ANXA8: variants seen among roughly 807,000 people sequenced by gnomAD.
ANXA8 encodes the protein VAC-beta.
In ANXA8, 9 loss-of-function variants were observed where a neutral mutation model predicts 26.8. The observed-to-expected ratio is 0.34, with a 90% confidence interval of 0.20 to 0.59. The LOEUF (loss-of-function observed/expected upper bound fraction) is 0.59, where lower values mean the gene tolerates loss of function less well. ANXA8 is among the 20% of genes least tolerant of loss of function. The pLI is 0.84. For synonymous variants in ANXA8, 39 were observed against 94.8 expected, an observed-to-expected ratio of 0.41 and a Z score of 3.42; for missense variants, 83 against 238.5, an observed-to-expected ratio of 0.35 and a Z score of 4.29.
At chr10:47,561,030 T>C in the ANXA8 span, among the ~76,000 whole-genome samples, 3 of 151,560 alleles carry the variant, frequency 2.0e-5, no homozygotes, top group Non-Finnish European at 4.4e-5. Context: ...AATTTTTTTT[T>C]CCTTTTCTGT....
At chr10:47,687,860 G>T in the ANXA8 span, among the ~76,000 whole-genome samples, 3 of 151,912 alleles carry the variant, frequency 2.0e-5, no homozygotes, top group African/African-American at 7.3e-5. Flanking sequence ...AACACTTTGG[G>T]AGGCCAAGGT....
chr10:47,699,403 G>A, the ANXA8 span, among the ~76,000 whole-genome samples: 1 of 136,774 alleles, frequency 7.3e-6, no homozygotes, highest in Non-Finnish European at 1.6e-5. Context: ...AATGGATAAA[G>A]AAGAATGAAA....
the ANXA8 span, chr10:47,751,088 C>T: frequency 6.6e-6 from 1 of 151,434 alleles, no homozygotes; most frequent in East Asian, 2.0e-4. Flanking sequence ...CCTATAACAA[C>T]CATCAAACTT....
the ANXA8 span, chr10:47,599,514 A>G: frequency 2.0e-5 from 3 of 148,166 alleles, no homozygotes; most frequent in Non-Finnish European, 4.4e-5. Context: ...AAATCAAAAC[A>G]TTTAAGCAAT....
the ANXA8 span, among the ~76,000 whole-genome samples, chr10:47,941,465 G>T: frequency 9.1e-3 from 1,335 of 146,564 alleles, 212 homozygotes; most frequent in African/African-American, 0.033. Context: ...GATCAGCCTG[G>T]CCAACATGGT....
chr10:47,748,596 TTTC>T, the ANXA8 span, among the ~76,000 whole-genome samples: 2 of 152,158 alleles, frequency 1.3e-5, no homozygotes, highest in African/African-American at 2.4e-5. Context: ...GAGGGACACA[TTTC>T]TTCTTTTCTT....
At chr10:47,501,447 C>T in the ANXA8 span, among the ~76,000 whole-genome samples, 1 of 138,840 alleles carries the variant, frequency 7.2e-6, no homozygotes, top group Non-Finnish European at 1.5e-5. Context: ...CGGTGGCTCA[C>T]CCCCATAATC....
the ANXA8 span, among the ~76,000 whole-genome samples, chr10:47,654,087 C>T: frequency 2.7e-4 from 41 of 151,996 alleles, no homozygotes; most frequent in African/African-American, 9.4e-4. Flanking sequence ...GTTGAGAATG[C>T]CCTGAAAGCT....
At chr10:47,743,269 TATATATATACACAC>T in the ANXA8 span, among the ~76,000 whole-genome samples, 44 of 118,234 alleles carry the variant, frequency 3.7e-4, no homozygotes, top group African/African-American at 1.1e-3. Flanking sequence ...TATATACATA[TATATATATACACAC>T]ATATATATAT....
At chr10:47,687,170 T>C in the ANXA8 span, among the ~76,000 whole-genome samples, 1 of 151,734 alleles carries the variant, frequency 6.6e-6, no homozygotes, top group Non-Finnish European at 1.5e-5. Context: ...GAAGAAACCA[T>C]TGGAGAAGAA....
chr10:47,620,742 A>T, the ANXA8 span, among the ~76,000 whole-genome samples: 2 of 108,908 alleles, frequency 1.8e-5, 1 homozygote, highest in Non-Finnish European at 4.0e-5. Context: ...TATTATCCTA[A>T]CTGAGGTTAG....
the ANXA8 span, among the ~76,000 whole-genome samples, chr10:47,592,106 TG>T: frequency 1.8e-5 from 2 of 111,838 alleles, no homozygotes; most frequent in African/African-American, 3.2e-5. Context: ...ACATCAGGAC[TG>T]GCCCATATAC....
At chr10:47,632,346 T>G in the ANXA8 span, among the ~76,000 whole-genome samples, 1 of 150,468 alleles carries the variant, frequency 6.6e-6, no homozygotes, top group Non-Finnish European at 1.5e-5. Context: ...AACTTGATCC[T>G]ACTTTTGTTT....
the ANXA8 span, chr10:47,691,167 T>C: frequency 1.3e-6 from 2 of 1,591,012 alleles, no homozygotes; most frequent in Non-Finnish European, 1.7e-6. Flanking sequence ...AAGGTTTTTC[T>C]GTGGAGGACT....
the ANXA8 span, among the ~76,000 whole-genome samples, chr10:47,977,134 A>G: frequency 1.2e-5 from 1 of 84,284 alleles, no homozygotes; most frequent in Non-Finnish European, 2.7e-5. Context: ...TTCCCAGCAA[A>G]GGTAGGTAGA....
chr10:47,675,822 G>T, the ANXA8 span, among the ~76,000 whole-genome samples: 3 of 151,756 alleles, frequency 2.0e-5, no homozygotes, highest in Non-Finnish European at 4.4e-5. Context: ...GGGATTTAAA[G>T]ATAATTATGA....
At chr10:47,657,571 T>A in the ANXA8 span, among the ~76,000 whole-genome samples, 2 of 151,446 alleles carry the variant, frequency 1.3e-5, no homozygotes, top group Non-Finnish European at 2.9e-5. Context: ...TCTTGCAGGG[T>A]GGCTATGAAA....
chr10:47,496,774 T>C, the ANXA8 span, among the ~76,000 whole-genome samples: 1 of 149,468 alleles, frequency 6.7e-6, no homozygotes, highest in Admixed American at 6.7e-5. Context: ...CTGATGTATT[T>C]CCATGATTGG....
At chr10:47,675,503 G>A in the ANXA8 span, among the ~76,000 whole-genome samples, 1 of 151,910 alleles carries the variant, frequency 6.6e-6, no homozygotes, top group Admixed American at 6.6e-5. Context: ...TGAAAGGCTT[G>A]ATCTCAGTCC....
Sources: gnomAD v4.1 joint callset for allele counts (sites outside exome capture counted in the v4.1 genomes callset) on GRCh38, gnomAD v4.1.1 for gene constraint, MANE v1.5 for transcripts, NCBI Gene and HGNC (gene_info 2026-07-23, HGNC 2026-07-21) for gene names.